Variants in SMC6 observed in about 807,000 individuals in gnomAD.
SMC6 encodes structural maintenance of chromosomes 6, also known as structural maintenance of chromosomes protein 6.
SMC6 carries 79 observed loss-of-function variants against 142.2 expected under a neutral mutation model. That is an observed-to-expected ratio of 0.56 (90% CI 0.46 to 0.67). The LOEUF is 0.67. SMC6 is among the 30% of genes least tolerant of loss of function. The pLI is 0.00. For missense variants in SMC6, 1,072 were observed against 1,284.0 expected (o/e 0.83, Z 2.52); for synonymous variants, 411 against 412.4 (o/e 1.00, Z 0.04).
chr2:17,712,651 T>C (rs1558354483), intron 16 of SMC6, among the ~76,000 whole-genome samples: 1 of 152,244 alleles, frequency 6.6e-6, no homozygotes, highest in South Asian at 2.1e-4. Flanking sequence ...ATGAGTCCTA[T>C]GTATCTGATG....
At chr2:17,693,409 G>A (rs914410320) in intron 23 of SMC6, among the ~76,000 whole-genome samples, 4 of 152,106 alleles carry the variant, frequency 2.6e-5, no homozygotes, top group Non-Finnish European at 5.9e-5. Flanking sequence ...CATGGATGAA[G>A]CTGGAAACCA....
Position 17,701,877 on chromosome 2 carries a change from C to G in SMC6, c.2175G>C (p.Arg725=). 1 of 1,579,264 alleles carries G rather than the reference C, an allele frequency of 6.3e-7. No individual in the cohort carries two copies. The highest frequency in any genetic ancestry group is 8.6e-7 in the Non-Finnish European group (1 of 1,160,468). ...GGTGTTCTTCTATGTTCTCAAGTTC[C>G]CGAATTTCAGAAATATTTTTTCTTA... ...MKIRKNISEI[R]ELENIEEHQS... Residue 725 remains arginine, a synonymous_variant, in exon 20 of 28, where the codon CGG becomes CGC. Transcript: ENST00000448223.
At chr2:17,726,846 G>C (rs956147205) in intron 7 of SMC6, among the ~76,000 whole-genome samples, 3 of 152,156 alleles carry the variant, frequency 2.0e-5, no homozygotes, top group African/African-American at 7.2e-5. Flanking sequence ...AAGAGTCCTA[G>C]CATGGTAAGG....
intron 27 of SMC6, 102 bp from the exon 28 acceptor site, chr2:17,665,715 C>T: frequency 1.7e-6 from 1 of 589,088 alleles, no homozygotes; most frequent in Non-Finnish European, 2.8e-6. Context: ...AAATATTTGG[C>T]TTTTATCTGG....
At chr2:17,714,438 A>T (rs1007120410) in intron 16 of SMC6, among the ~76,000 whole-genome samples, 1 of 152,212 alleles carries the variant, frequency 6.6e-6, no homozygotes, top group African/African-American at 2.4e-5. Flanking sequence ...CAAAGAAGCC[A>T]GTTTGGGTAC....
chr2:17,736,453 A>G (rs1273515128), intron 5 of SMC6, among the ~76,000 whole-genome samples: 3 of 152,190 alleles, frequency 2.0e-5, no homozygotes, highest in Non-Finnish European at 4.4e-5. Context: ...AAAGTATTTA[A>G]CTGAGAAAAC....
chr2:17,696,229 C>A, intron 22 of SMC6, 60 bp downstream of exon 22: 1 of 1,545,124 alleles, frequency 6.5e-7, no homozygotes, highest in Non-Finnish European at 8.7e-7. Flanking sequence ...AGGGAAAACA[C>A]ACTTTAATAA....
Position 17,700,276 on chromosome 2 carries a change from C to T in SMC6, c.2326G>A (p.Ala776Thr). The change falls in exon 21 of 28, where the codon GCA (alanine) becomes ACA (threonine). Residue 776 changes from alanine (A) to threonine (T), a missense_variant. By Grantham distance (58) the Ala-to-Thr change is moderately conservative. Around this residue, in one of 3 missense-constraint regions of SMC6, gnomAD observed 994 missense variants for 1,153.2 expected, o/e 0.86. Transcript: ENST00000448223. ...MEHLKSLKIEAENKYDAIKFK... is the reference protein window; with the variant it reads ...MEHLKSLKIETENKYDAIKFK... ...TTAATTGCATCATACTTATTTTCTGCTTCTATTTTCAGACTTTTAAGATGC... is the reference window on the plus strand; with the variant it reads ...TTAATTGCATCATACTTATTTTCTGTTTCTATTTTCAGACTTTTAAGATGC... 6 of 1,610,860 alleles carry T rather than the reference C, an allele frequency of 3.7e-6. No individual in the cohort carries two copies. Among genetic ancestry groups the T allele is most frequent in the Non-Finnish European group, 5.1e-6 (6 of 1,178,070 alleles).
Position 17,703,266 on chromosome 2 carries a change from T to C in SMC6, c.2033A>G (p.Lys678Arg), listed in dbSNP as rs746393867. The change falls in exon 19 of 28, where the codon AAG becomes AGG. Residue 678 changes from lysine to arginine, a missense_variant. Physicochemically the swap from Lys to Arg is conservative, Grantham distance 26. This residue lies in a region of SMC6 where 994 missense variants were observed against 1,153.2 expected (regional missense o/e 0.86). Transcript: ENST00000448223. ...CTGAAGATTTAATATCTGGGCCGTC[T>C]TATTTTCAACCTCATTCTCCAAGTC... Reference protein sequence around the residue: ...ISDLENEVENKTAQILNLQQH... With the variant: ...ISDLENEVENRTAQILNLQQH... 23 of 1,604,112 alleles carry C rather than the reference T, an allele frequency of 1.4e-5. No homozygotes were observed. Among genetic ancestry groups the C allele is most frequent in the Admixed American group, 1.7e-5 (1 of 57,826 alleles).
At chr2:17,749,018 A>AGGTTGT (rs1670889441) in intron 2 of SMC6, among the ~76,000 whole-genome samples, 1 of 152,194 alleles carries the variant, frequency 6.6e-6, no homozygotes, top group South Asian at 2.1e-4. Flanking sequence ...TGCCACGGTA[A>AGGTTGT]CTTGCATCTA....
chr2:17,670,449 A>T lies in SMC6; in HGVS notation c.3037T>A (p.Cys1013Ser). The T allele has an allele frequency of 6.2e-7, 1 of 1,613,654 alleles. No individual in the cohort carries two copies. The highest frequency in any genetic ancestry group is 8.5e-7 in the Non-Finnish European group (1 of 1,179,836). The change falls in exon 26 of 28, where the codon TGC (cysteine) becomes AGC (serine). Residue 1013 changes from cysteine (C) to serine (S), a missense_variant. Coordinates refer to ENST00000448223, the MANE Select transcript of SMC6 (RefSeq NM_001142286.2). ...ATGTAGACATCAAATTCATCCAGGCATCTGAAAGGAGATTCTGCGATGGAC... is the reference window on the plus strand; with the variant it reads ...ATGTAGACATCAAATTCATCCAGGCTTCTGAAAGGAGATTCTGCGATGGAC... ...LWSIAESPFR[C>S]LDEFDVYMDM...
intron 19 of SMC6, 122 bp from the exon 20 acceptor site, chr2:17,702,031 A>ACC: frequency 3.3e-6 from 2 of 599,292 alleles, no homozygotes; most frequent in Non-Finnish European, 5.9e-6. Flanking sequence ...ATAATTAATG[A>ACC]AAGGGGTACA....
In SMC6 at chr2:17,725,238, A is replaced by T; in HGVS notation, c.726+19T>A. 6.4e-7 allele frequency: 1 copy of T among 1,565,220 alleles called. No individual in the cohort carries two copies. The highest frequency in any genetic ancestry group is 8.7e-7 in the Non-Finnish European group (1 of 1,148,556). ...AATTTGGCTGATCTCAAAAAGATTT[A>T]CATTAACTGTTTACAAACCTCTTCT... On this transcript the variant is annotated intron_variant, in intron 9 of 27. Coordinates refer to ENST00000448223, the MANE Select transcript of SMC6 (RefSeq NM_001142286.2).
intron 9 of SMC6, among the ~76,000 whole-genome samples, chr2:17,721,827 C>T (rs1361326502): frequency 6.6e-6 from 1 of 152,004 alleles, no homozygotes; most frequent in African/African-American, 2.4e-5. Context: ...TCCCAAGTAG[C>T]TGGGACTACA....
At chr2:17,682,042 C>G (rs1055702754) in intron 24 of SMC6, 1 of 152,110 alleles carries the variant, frequency 6.6e-6, no homozygotes, top group Non-Finnish European at 1.5e-5. Context: ...ATAAATCTTA[C>G]TGCATCTGGA....
intron 4 of SMC6, 119 bp downstream of exon 4, chr2:17,741,491 CAA>C (rs1670469500): frequency 3.2e-6 from 2 of 617,658 alleles, no homozygotes; most frequent in Admixed American, 2.7e-5. Flanking sequence ...TTCATAACCA[CAA>C]GTTATACATC....
chr2:17,749,930 T>TGG (rs1355544659), intron 2 of SMC6, among the ~76,000 whole-genome samples: 5 of 152,262 alleles, frequency 3.3e-5, no homozygotes, highest in Non-Finnish European at 4.4e-5. Context: ...GAATCTGCCC[T>TGG]GGCCTGTGTT....
At chr2:17,688,859 C>T (rs938564997) in intron 23 of SMC6, among the ~76,000 whole-genome samples, 3 of 152,096 alleles carry the variant, frequency 2.0e-5, no homozygotes, top group African/African-American at 7.2e-5. Context: ...TTGGAGATAA[C>T]ATAGGCTCTT....
In SMC6 at chr2:17,752,794, T is replaced by C. The variant is rs901691342; in HGVS notation, c.-6+184A>G. 5.9e-5 allele frequency among the ~76,000 whole-genome samples: 9 copies of C among 152,350 alleles called. No individual in the cohort carries two copies. The South Asian group carries it at 1.2e-3, about 21-fold the overall frequency. On this transcript the variant is annotated intron_variant, in intron 2 of 27. Transcript: ENST00000448223. ...GTTAAAAGATCACACTGCAACCATA[T>C]AAAAGTCAGGAGATTTGGGTTTTTC...
Sources: allele counts gnomAD v4.1 joint callset (sites outside exome capture counted in the v4.1 genomes callset), GRCh38; gene constraint gnomAD v4.1.1; regional missense constraint gnomAD v4.1.1; transcripts MANE v1.5; gene names NCBI Gene and HGNC (gene_info 2026-07-23, HGNC 2026-07-21).